TMEM132B: variants seen among roughly 807,000 people sequenced by gnomAD.
TMEM132B encodes the protein transmembrane protein 132B.
Under a neutral mutation model 90.8 loss-of-function variants are expected in TMEM132B, and 18 were observed. The observed-to-expected ratio is 0.20, with a 90% confidence interval of 0.14 to 0.29. The LOEUF is 0.29. Among genes scored for constraint, TMEM132B ranks in the 10% least tolerant of loss-of-function variants. The pLI, the probability that TMEM132B is intolerant of heterozygous loss-of-function variation, is 1.00. For missense variants in TMEM132B, 1,096 were observed against 1,326.8 expected (o/e 0.83, Z 2.70); for synonymous variants, 504 against 523.3 (o/e 0.96, Z 0.50).
chr12:125,493,362 C>T lies in TMEM132B; in HGVS notation c.1107-26077C>T, dbSNP rs145582110. On this transcript the variant is annotated intron_variant, in intron 3 of 8. Coordinates refer to ENST00000682704, the MANE Select transcript of TMEM132B (RefSeq NM_001366854.1). ...GGAATCTTCTTGTGGCCAACCCTAACGAGAAACACACATGAAAGGGGATAT... is the reference window on the plus strand; with the variant it reads ...GGAATCTTCTTGTGGCCAACCCTAATGAGAAACACACATGAAAGGGGATAT... Among the ~76,000 whole-genome samples, 321 of 152,256 alleles carry T rather than the reference C, an allele frequency of 2.1e-3. 2 individuals are homozygous for T. The highest frequency in any genetic ancestry group is 7.0e-3 in the African/African-American group (289 of 41,536).
chr12:125,561,182 C>CTATGCAGCCATGAAAAAGGATGAGTTCA (rs1372443662), intron 4 of TMEM132B, among the ~76,000 whole-genome samples: 8 of 152,142 alleles, frequency 5.3e-5, no homozygotes, highest in African/African-American at 1.9e-4. Flanking sequence ...CCATGGAATA[C>CTATGCAGCCATGAAAAAGGATGAGTTCA]TATGCAGCCA....
intron 1 of TMEM132B, among the ~76,000 whole-genome samples, chr12:125,270,803 G>A (rs777822963): frequency 5.9e-5 from 9 of 152,016 alleles, no homozygotes; most frequent in Non-Finnish European, 8.8e-5. Context: ...GCGGGTAGGA[G>A]GTGCAGTAGA....
At chr12:125,648,238 C>G (rs958991564) in intron 6 of TMEM132B, among the ~76,000 whole-genome samples, 2 of 152,012 alleles carry the variant, frequency 1.3e-5, no homozygotes, top group Admixed American at 6.6e-5. Context: ...TGAACTCATC[C>G]TTTTTTATGG....
At chr12:125,297,627 G>A (rs1166577957) in intron 1 of TMEM132B, among the ~76,000 whole-genome samples, 1 of 152,218 alleles carries the variant, frequency 6.6e-6, no homozygotes, top group African/African-American at 2.4e-5. Flanking sequence ...GTAAGTGGAA[G>A]CAAGAATTGA....
At chr12:125,483,357 T>C (rs778708095) in intron 3 of TMEM132B, among the ~76,000 whole-genome samples, 4 of 152,340 alleles carry the variant, frequency 2.6e-5, no homozygotes, top group Middle Eastern at 3.4e-3. Flanking sequence ...ACAGTCTGTA[T>C]GTGTATACAG....
chr12:125,366,384 G>A (rs558604733), intron 2 of TMEM132B, among the ~76,000 whole-genome samples: 1 of 152,258 alleles, frequency 6.6e-6, no homozygotes, highest in Admixed American at 6.5e-5. Context: ...CACCAACAAT[G>A]TAGGAGTGTT....
At chr12:125,284,441 C>T (rs763472385) in intron 1 of TMEM132B, among the ~76,000 whole-genome samples, 4 of 152,198 alleles carry the variant, frequency 2.6e-5, no homozygotes, top group Admixed American at 2.0e-4. Context: ...ACAAAGACCC[C>T]GCTGCCGTGG....
intron 1 of TMEM132B, among the ~76,000 whole-genome samples, chr12:125,285,657 G>T (rs773840912): frequency 2.6e-5 from 4 of 152,208 alleles, no homozygotes; most frequent in Admixed American, 6.5e-5. Flanking sequence ...TCCCACAGAA[G>T]GAGTCCTAGT....
At chr12:125,616,865 G>T (rs1307283370) in intron 5 of TMEM132B, among the ~76,000 whole-genome samples, 1 of 152,102 alleles carries the variant, frequency 6.6e-6, no homozygotes, top group Non-Finnish European at 1.5e-5. Context: ...CTTATAAGAA[G>T]AGAAAGACAG....
At chr12:125,311,940 T>C (rs1679917871) in intron 1 of TMEM132B, among the ~76,000 whole-genome samples, 3 of 152,174 alleles carry the variant, frequency 2.0e-5, no homozygotes, top group Admixed American at 2.0e-4. Flanking sequence ...AAGTAGGAAG[T>C]ACATGGCATA....
At chr12:125,262,596 T>C (rs1036818283) in intron 1 of TMEM132B, among the ~76,000 whole-genome samples, 1 of 152,162 alleles carries the variant, frequency 6.6e-6, no homozygotes, top group African/African-American at 2.4e-5. Context: ...CTACCCTACA[T>C]TGAGGCTGTC....
intron 2 of TMEM132B, among the ~76,000 whole-genome samples, chr12:125,373,225 T>C (rs1878354119): frequency 6.6e-6 from 1 of 152,200 alleles, no homozygotes; most frequent in Non-Finnish European, 1.5e-5. Context: ...ACCACACGCC[T>C]TTACATCTCG....
chr12:125,378,379 A>G (rs1878558039), intron 2 of TMEM132B, among the ~76,000 whole-genome samples: 1 of 152,212 alleles, frequency 6.6e-6, no homozygotes, highest in Admixed American at 6.5e-5. Flanking sequence ...ATCCAATGAC[A>G]GTGCCTCAGT....
intron 5 of TMEM132B, among the ~76,000 whole-genome samples, chr12:125,630,441 G>C (rs554542171): frequency 1.3e-5 from 2 of 152,048 alleles, no homozygotes; most frequent in East Asian, 3.9e-4. Flanking sequence ...GCTTATGGTA[G>C]CCACTAATAA....
rs146012301 is a variant in TMEM132B, at chr12:125,524,397, G to A, written c.1293+4772G>A. On this transcript the variant is annotated intron_variant, in intron 4 of 8. Transcript: ENST00000682704. The stretch of plus-strand genomic sequence containing the variant: ...GAAAATTTCAATTATGATTACCTTC[G>A]AGGTAGGTGGCAGTGAGATATTTTG... Among the ~76,000 whole-genome samples the A allele has an allele frequency of 6.2e-3, 941 of 152,272 alleles. 11 individuals carry two copies. The highest frequency in any genetic ancestry group is 0.02 in the African/African-American group (811 of 41,562).
chr12:125,298,175 A>G (rs887544478), intron 1 of TMEM132B, among the ~76,000 whole-genome samples: 12 of 152,000 alleles, frequency 7.9e-5, no homozygotes, highest in Non-Finnish European at 1.6e-4. Flanking sequence ...TCACTTGAGC[A>G]AGGATTCTAG....
Position 125,532,236 on chromosome 12 carries a change from T to TG in TMEM132B, c.1293+12614dup, listed in dbSNP as rs541619259. On this transcript the variant is annotated intron_variant, in intron 4 of 8. Transcript: ENST00000682704. Reference sequence around the variant, plus strand: ...CAGCTAAGCAAGTTCGGGAAAGAAATGGGTGGTTGTCAGTCAGAGCAACAA... The same window carrying TG: ...CAGCTAAGCAAGTTCGGGAAAGAAATGGGGTGGTTGTCAGTCAGAGCAACAA... Among the ~76,000 whole-genome samples the TG allele has an allele frequency of 2.8e-3, 428 of 152,228 alleles. 4 individuals carry two copies. The highest frequency in any genetic ancestry group is 0.026 in the South Asian group (124 of 4,826).
At chr12:125,614,930 A>T (rs892428981) in intron 5 of TMEM132B, among the ~76,000 whole-genome samples, 6 of 152,096 alleles carry the variant, frequency 3.9e-5, no homozygotes, top group Non-Finnish European at 7.4e-5. Flanking sequence ...CATTTTTGAA[A>T]GATAGTTTTG....
At chr12:125,243,052 C>CACACAT (rs1874119324) in intron 1 of TMEM132B, among the ~76,000 whole-genome samples, 1 of 139,782 alleles carries the variant, frequency 7.2e-6, no homozygotes, top group Admixed American at 7.2e-5. Context: ...CACACACACA[C>CACACAT]ATACATATAT....
Sources: gnomAD v4.1 joint callset for allele counts (sites outside exome capture counted in the v4.1 genomes callset) on GRCh38, gnomAD v4.1.1 for gene constraint, MANE v1.5 for transcripts, NCBI Gene and HGNC (gene_info 2026-07-23, HGNC 2026-07-21) for gene names.